The following PRKRIP1 variants were observed in gnomAD, a reference collection of about 807,000 sequenced individuals.
PRKRIP1 encodes the protein PRKR-interacting protein 1.
Under a neutral mutation model 29.3 loss-of-function variants are expected in PRKRIP1, and 29 were observed. The observed-to-expected ratio is 0.99, with a 90% CI of 0.74 to 1.35. The LOEUF is 1.35. Among genes scored for constraint, PRKRIP1 ranks in the 40% most tolerant of loss-of-function variants. The pLI is 0.00. For synonymous variants in PRKRIP1, 90 were observed against 85.1 expected, an observed-to-expected ratio of 1.06 and a Z score of -0.32; for missense variants, 247 against 236.8, an observed-to-expected ratio of 1.04 and a Z score of -0.28.
At chr7:102,404,153 A>G (rs1469936634) in intron 3 of PRKRIP1, among the ~76,000 whole-genome samples, 2 of 152,144 alleles carry the variant, frequency 1.3e-5, no homozygotes, top group African/African-American at 4.8e-5. Flanking sequence ...ACAGAGTAAG[A>G]CCTTGTCTCA....
intron 5 of PRKRIP1, among the ~76,000 whole-genome samples, chr7:102,414,034 C>A (rs564336279): frequency 6.6e-6 from 1 of 152,070 alleles, no homozygotes; most frequent in Non-Finnish European, 1.5e-5. Flanking sequence ...TCAAGACCAG[C>A]CCAGCCAACA....
intron 5 of PRKRIP1, among the ~76,000 whole-genome samples, chr7:102,419,546 T>C (rs1391762230): frequency 4.6e-5 from 7 of 152,176 alleles, no homozygotes; most frequent in Non-Finnish European, 8.8e-5. Context: ...AACAATTCCG[T>C]GTTTCCCCTG....
intron 5 of PRKRIP1, among the ~76,000 whole-genome samples, chr7:102,420,499 A>G (rs1796666103): frequency 6.6e-6 from 1 of 152,200 alleles, no homozygotes; most frequent in Non-Finnish European, 1.5e-5. Context: ...CATAGTAACT[A>G]ACAGGAAATA....
Position 102,421,419 on chromosome 7 carries a change from C to T in PRKRIP1, c.458-3595C>T, listed in dbSNP as rs535583529. ...AATTAGCCAGGTGTGGTGGCACACA[C>T]CCATAGTCTCAGCTACTCAGGAGGC... On this transcript the variant is annotated intron_variant, in intron 5 of 5. Transcript: ENST00000397912. Among the ~76,000 whole-genome samples the T allele has an allele frequency of 3.9e-5, 6 of 152,152 alleles. No individual in the cohort carries two copies. The East Asian group carries it at 1.2e-3, about 29-fold the overall frequency.
intron 2 of PRKRIP1, 112 bp from the exon 3 acceptor site, chr7:102,399,436 G>C: frequency 1.3e-6 from 1 of 784,526 alleles, no homozygotes; most frequent in Non-Finnish European, 2.2e-6. Context: ...AGAAAGGAAG[G>C]CATGGTCCCT....
At chr7:102,407,846 G>A (rs537998952) in intron 5 of PRKRIP1, among the ~76,000 whole-genome samples, 4 of 152,212 alleles carry the variant, frequency 2.6e-5, no homozygotes, top group South Asian at 4.1e-4. Flanking sequence ...AGCAGCTCTC[G>A]GGGCTACATC....
intron 4 of PRKRIP1, among the ~76,000 whole-genome samples, chr7:102,404,995 C>T (rs1455167961): frequency 6.6e-6 from 1 of 151,762 alleles, no homozygotes; most frequent in Non-Finnish European, 1.5e-5. Context: ...GGCACAATCT[C>T]GGCTCACTGC....
chr7:102,412,921 G>A (rs1796428713), intron 5 of PRKRIP1, among the ~76,000 whole-genome samples: 1 of 152,162 alleles, frequency 6.6e-6, no homozygotes, highest in South Asian at 2.1e-4. Context: ...AAGCCAATGT[G>A]GATTATTCTG....
chr7:102,404,683 G>A lies in PRKRIP1; in HGVS notation c.392G>A (p.Arg131His), dbSNP rs372008826. Residue 131 changes from arginine to histidine, a missense_variant and splice_region_variant, in exon 4 of 6, where the codon CGC becomes CAC. This residue lies in a region of PRKRIP1 where 134 missense variants were observed against 126.6 expected (regional missense o/e 1.06). Coordinates refer to ENST00000397912, the MANE Select transcript of PRKRIP1 (RefSeq NM_024653.4). The stretch of plus-strand genomic sequence containing the variant: ...CAGACCGCAAAGCGCCGGAAGAAGC[G>A]GTAAGCGGCATGGCCTAACTGTGAT... ...EEQTAKRRKKRQKLKEKKLLA... is the reference protein window; with the variant it reads ...EEQTAKRRKKHQKLKEKKLLA... The A allele has an allele frequency of 6.8e-6, 11 of 1,612,780 alleles. No individual in the cohort carries two copies. Among genetic ancestry groups the A allele is most frequent in the African/African-American group, 6.7e-5 (5 of 74,906 alleles).
Position 102,399,588 on chromosome 7 carries a change from C to G in PRKRIP1, c.246C>G (p.Tyr82Ter), listed in dbSNP as rs1554570932. The G allele has an allele frequency of 6.2e-7, 1 of 1,614,146 alleles. No homozygotes were observed. Among genetic ancestry groups the G allele is most frequent in the Non-Finnish European group, 8.5e-7 (1 of 1,180,018 alleles). Residue 82 changes from tyrosine to a stop codon, truncating the protein, a stop_gained, in exon 3 of 6, where the codon TAC (tyrosine) becomes TAG (stop). Coordinates refer to ENST00000397912, the MANE Select transcript of PRKRIP1 (RefSeq NM_024653.4). LOFTEE classifies it high-confidence loss of function. ...CCGGCAGTGGAGAGTTCCACGTGTACAGACATCTGCGCCGGAGAGAATATC... is the reference window on the plus strand; with the variant it reads ...CCGGCAGTGGAGAGTTCCACGTGTAGAGACATCTGCGCCGGAGAGAATATC... ...AGAGSGEFHV[Y>*]RHLRRREYQR...
At chr7:102,416,857 T>C (rs1796563405) in intron 5 of PRKRIP1, among the ~76,000 whole-genome samples, 1 of 151,814 alleles carries the variant, frequency 6.6e-6, no homozygotes, top group Non-Finnish European at 1.5e-5. Flanking sequence ...TTTTGGTGTT[T>C]TGTTTGTTTG....
At chr7:102,402,366 C>T (rs10230049) in intron 3 of PRKRIP1, among the ~76,000 whole-genome samples, 13 of 150,044 alleles carry the variant, frequency 8.7e-5, no homozygotes, top group African/African-American at 2.9e-4. Context: ...TGAGCCTGGA[C>T]GGTCAAGGCT....
rs782800685 is a variant in PRKRIP1 at position 102,396,528 on chromosome 7, G to A, written c.117G>A (p.Met39Ile). 1 of 1,608,442 alleles carries A rather than the reference G, an allele frequency of 6.2e-7. No individual in the cohort carries two copies. The highest frequency in any genetic ancestry group is 8.5e-7 in the Non-Finnish European group (1 of 1,178,384). Reference protein sequence around the residue: ...EEQKLKLERLMKNPDKAVPIP... With the variant: ...EEQKLKLERLIKNPDKAVPIP... ...AGAAGCTCAAGCTGGAGCGGCTCAT[G>A]AAGAACCCGGTGAGACGAGGCCCAG... Residue 39 changes from methionine (M) to isoleucine (I), a missense_variant, in exon 1 of 6, where the codon ATG (methionine) becomes ATA (isoleucine). Met to Ile is a conservative substitution (Grantham distance 10, BLOSUM62 1). Coordinates refer to ENST00000397912, the MANE Select transcript of PRKRIP1 (RefSeq NM_024653.4).
At chr7:102,422,992 T>C (rs1243063370) in intron 5 of PRKRIP1, 3 of 337,464 alleles carry the variant, frequency 8.9e-6, no homozygotes, top group African/African-American at 2.2e-5. Context: ...CAGCCCATAC[T>C]GCATTTTCAA....
At chr7:102,412,824 G>A (rs575618355) in intron 5 of PRKRIP1, among the ~76,000 whole-genome samples, 35 of 152,288 alleles carry the variant, frequency 2.3e-4, no homozygotes, top group African/African-American at 6.7e-4. Flanking sequence ...ACATCTCACC[G>A]CTTGTTTTCT....
rs782062616 is a variant in PRKRIP1, at chr7:102,425,078, G to A, written c.522G>A (p.Glu174=). Residue 174 remains glutamate, a synonymous_variant, in exon 6 of 6, where the codon GAG becomes GAA. Transcript: ENST00000397912. ...CGGAGGCATCTGGAACAGAGGAGGA[G>A]GAGGAAGTGCCCAGTTTCACCATGG... The part of the protein sequence containing the change: ...SSAEASGTEE[E]EEVPSFTMGR 1.9e-5 allele frequency: 30 copies of A among 1,613,562 alleles called. No individual in the cohort carries two copies. The South Asian group carries it at 2.0e-4, about 11-fold the overall frequency.
At chr7:102,416,557 G>C (rs1444835902) in intron 5 of PRKRIP1, among the ~76,000 whole-genome samples, 1 of 152,160 alleles carries the variant, frequency 6.6e-6, no homozygotes, top group Non-Finnish European at 1.5e-5. Context: ...GTTGGGATTG[G>C]TCTGATTTTC....
intron 2 of PRKRIP1, 68 bp from the exon 3 acceptor site, chr7:102,399,480 C>T: frequency 7.8e-7 from 1 of 1,287,732 alleles, no homozygotes; most frequent in South Asian, 1.2e-5. Context: ...CTTTAGTCAC[C>T]CTCGATTAAG....
At chr7:102,416,087 C>T (rs1353406302) in intron 5 of PRKRIP1, among the ~76,000 whole-genome samples, 1 of 152,192 alleles carries the variant, frequency 6.6e-6, no homozygotes, top group Admixed American at 6.5e-5. Context: ...CTTCCTCCGG[C>T]CCCCGGCCCT....
Sources: allele counts gnomAD v4.1 joint callset (sites outside exome capture counted in the v4.1 genomes callset), GRCh38; gene constraint gnomAD v4.1.1; regional missense constraint gnomAD v4.1.1; transcripts MANE v1.5; gene names NCBI Gene and HGNC (gene_info 2026-07-23, HGNC 2026-07-21).